The following PDE1C variants were observed in gnomAD, a reference collection of about 807,000 sequenced individuals.
The protein encoded by PDE1C is dual specificity calcium/calmodulin-dependent 3',5'-cyclic nucleotide phosphodiesterase 1C.
PDE1C carries 62 observed loss-of-function variants against 93.1 expected under a neutral mutation model. The observed-to-expected ratio is 0.67, with a 90% CI of 0.54 to 0.82. PDE1C has a LOEUF of 0.82. Ranked by LOEUF, PDE1C falls within the 40% of genes least tolerant of loss-of-function variation. The pLI is 0.00. For missense variants in PDE1C, 742 were observed against 884.6 expected, an observed-to-expected ratio of 0.84 and a Z score of 2.04; for synonymous variants, 325 against 310.1, an observed-to-expected ratio of 1.05 and a Z score of -0.50.
intron 3 of PDE1C, among the ~76,000 whole-genome samples, chr7:32,124,054 A>C (rs1799438988): frequency 6.6e-6 from 1 of 152,188 alleles, no homozygotes; most frequent in African/African-American, 2.4e-5. Flanking sequence ...ATTCCTTTAC[A>C]CAAACAATTG....
At chr7:32,365,995 T>G (rs1168662054) in intron 1 of PDE1C, among the ~76,000 whole-genome samples, 1 of 152,052 alleles carries the variant, frequency 6.6e-6, no homozygotes, top group East Asian at 1.9e-4. Flanking sequence ...GCATAGAAAT[T>G]AATATAGAGA....
intron 2 of PDE1C, among the ~76,000 whole-genome samples, chr7:31,917,117 A>C (rs908497571): frequency 2.0e-5 from 3 of 152,126 alleles, no homozygotes; most frequent in Admixed American, 2.0e-4. Flanking sequence ...CTATCCAGCC[A>C]CAGGTAGAGA....
rs1562807857 is a variant in PDE1C at position 31,794,069 on chromosome 7, C to CAGATAGATAGAT, written c.1891+14961_1891+14962insATCTATCTATCT. On this transcript the variant is annotated intron_variant, in intron 16 of 17. Transcript: ENST00000396191. ...ACAGACAGACAGACAGACAGACAGA[C>CAGATAGATAGAT]AGACAGACAGACAGACAGACAGATA... Among the ~76,000 whole-genome samples, 58 of 134,500 alleles carry CAGATAGATAGAT rather than the reference C, an allele frequency of 4.3e-4. 1 individual carries two copies. Among genetic ancestry groups the CAGATAGATAGAT allele is most frequent in the African/African-American group, 1.4e-3 (48 of 35,318 alleles). The allele number at this position is 134,500 out of a possible 152,430, so 88.2% of individuals were successfully genotyped here.
upstream of PDE1C, among the ~76,000 whole-genome samples, chr7:32,076,127 G>C (rs751492613): frequency 5.3e-5 from 8 of 152,162 alleles, no homozygotes; most frequent in Non-Finnish European, 1.0e-4. Context: ...ACATAACCTA[G>C]ATTGTCCAAC....
the PDE1C span, among the ~76,000 whole-genome samples, chr7:31,746,090 T>G: frequency 6.6e-6 from 1 of 152,206 alleles, no homozygotes; most frequent in Non-Finnish European, 1.5e-5. Context: ...AGAATGCACA[T>G]GTTGGCAAAC....
intron 17 of PDE1C, among the ~76,000 whole-genome samples, chr7:31,773,812 A>C (rs1362284117): frequency 1.3e-5 from 2 of 152,318 alleles, no homozygotes; most frequent in East Asian, 3.9e-4. Flanking sequence ...GCAGAAAGGA[A>C]TAAGACAGTC....
intron 2 of PDE1C, among the ~76,000 whole-genome samples, chr7:32,197,283 T>G (rs1804692089): frequency 6.6e-6 from 1 of 152,162 alleles, no homozygotes; most frequent in South Asian, 2.1e-4. Context: ...TTAAATTTAT[T>G]TAAATAACCA....
chr7:32,252,622 G>A (rs1809473919), intron 1 of PDE1C, among the ~76,000 whole-genome samples: 2 of 152,152 alleles, frequency 1.3e-5, no homozygotes, highest in African/African-American at 4.8e-5. Context: ...GTTTGAGGAG[G>A]CTACTGTGGC....
chr7:31,721,484 C>T, the PDE1C span, among the ~76,000 whole-genome samples: 64,063 of 151,956 alleles, frequency 0.42, 15,118 homozygotes, highest in East Asian at 0.69. Flanking sequence ...CTGGCTACTG[C>T]ATTGGGCACC....
the PDE1C span, among the ~76,000 whole-genome samples, chr7:31,726,779 T>A: frequency 6.6e-6 from 1 of 152,214 alleles, no homozygotes; most frequent in African/African-American, 2.4e-5. Context: ...ATGCCTGTAA[T>A]CCCTACATTT....
At chr7:31,925,326 TA>T (rs1803231477) in intron 2 of PDE1C, among the ~76,000 whole-genome samples, 1 of 152,128 alleles carries the variant, frequency 6.6e-6, no homozygotes, top group Non-Finnish European at 1.5e-5. Flanking sequence ...GGAGAATAGT[TA>T]AATATTTAAT....
chr7:32,250,576 G>A (rs184712272), intron 1 of PDE1C, among the ~76,000 whole-genome samples: 68 of 152,232 alleles, frequency 4.5e-4, no homozygotes, highest in Non-Finnish European at 7.4e-4. Flanking sequence ...GAAATCACAT[G>A]TCAGTGCTGT....
intron 3 of PDE1C, among the ~76,000 whole-genome samples, chr7:32,086,411 T>C (rs1197785382): frequency 1.3e-5 from 2 of 152,048 alleles, no homozygotes; most frequent in South Asian, 4.2e-4. Flanking sequence ...ATAAATATCG[T>C]GAAAATGGCC....
At chr7:31,855,953 A>G (rs1793967250) in intron 7 of PDE1C, among the ~76,000 whole-genome samples, 1 of 152,092 alleles carries the variant, frequency 6.6e-6, no homozygotes, top group Admixed American at 6.6e-5. Context: ...ATCAATAGAT[A>G]GCTCTTCAAT....
At chr7:31,897,012 AGTTT>A (rs1583846777) in intron 2 of PDE1C, among the ~76,000 whole-genome samples, 2 of 152,330 alleles carry the variant, frequency 1.3e-5, no homozygotes, top group African/African-American at 4.8e-5. Flanking sequence ...AGTTAAGCAA[AGTTT>A]GTTTGGTCTT....
rs150373283 is a variant in PDE1C, at chr7:32,193,150, T to C, written c.136+16339A>G. Among the ~76,000 whole-genome samples the C allele has an allele frequency of 4.0e-3, 616 of 152,280 alleles. 7 individuals are homozygous for C. Among genetic ancestry groups the C allele is most frequent in the African/African-American group, 0.014 (587 of 41,578 alleles). ...ATCTGTATGTTTTTAAATTTTTCTT[T>C]TCATCCCTTATTACACTGGCTAGAG... On this transcript the variant is annotated intron_variant, in intron 2 of 18. Transcript: ENST00000396193.
At chr7:32,047,024 G>C (rs564795050) in intron 2 of PDE1C, among the ~76,000 whole-genome samples, 2 of 130,772 alleles carry the variant, frequency 1.5e-5, no homozygotes, top group South Asian at 2.9e-4. Flanking sequence ...CTATCATACT[G>C]AAATAGGGGT....
chr7:32,106,085 C>T (rs1006600590), intron 3 of PDE1C, among the ~76,000 whole-genome samples: 5 of 152,120 alleles, frequency 3.3e-5, no homozygotes, highest in African/African-American at 1.2e-4. Context: ...GATCATGGCT[C>T]ACTACAGCCT....
chr7:31,691,342 T>C, the PDE1C span, among the ~76,000 whole-genome samples: 1 of 152,238 alleles, frequency 6.6e-6, no homozygotes. Context: ...TGTGTTCATC[T>C]GCATGCTGGT....
Sources: allele counts gnomAD v4.1 joint callset (sites outside exome capture counted in the v4.1 genomes callset), GRCh38; gene constraint gnomAD v4.1.1; transcripts MANE v1.5; gene names NCBI Gene and HGNC (gene_info 2026-07-23, HGNC 2026-07-21).